The following CA10 variants were observed in gnomAD, a reference collection of about 807,000 sequenced individuals.
CA10 encodes the protein carbonic anhydrase-related protein 10.
CA10 carries 14 observed loss-of-function variants against 44.2 expected under a neutral mutation model. That is an observed-to-expected ratio of 0.32 (90% CI 0.21 to 0.50). The LOEUF (loss-of-function observed/expected upper bound fraction) is 0.50. CA10 is among the 20% of genes least tolerant of loss of function. The pLI, the probability that CA10 is intolerant of heterozygous loss-of-function variation, is 0.99. For synonymous variants in CA10, 159 were observed against 141.6 expected (o/e 1.12, Z -0.87); for missense variants, 350 against 409.7 (o/e 0.85, Z 1.26).
chr17:51,797,334 G>A (rs1402277703), intron 3 of CA10, among the ~76,000 whole-genome samples: 4 of 152,174 alleles, frequency 2.6e-5, no homozygotes, highest in Non-Finnish European at 4.4e-5. Context: ...ATCATAGCAC[G>A]CAGGCGCATG....
intron 2 of CA10, among the ~76,000 whole-genome samples, chr17:51,986,034 A>G (rs1237490230): frequency 6.6e-6 from 1 of 152,014 alleles, no homozygotes; most frequent in Admixed American, 6.6e-5. Flanking sequence ...AGAAGAGCCC[A>G]CATAGCCAAA....
intron 1 of CA10, among the ~76,000 whole-genome samples, chr17:52,144,270 T>C (rs576420211): frequency 2.6e-5 from 4 of 152,310 alleles, no homozygotes; most frequent in African/African-American, 9.6e-5. Context: ...TTATCATAAA[T>C]GGATTAGGCC....
intron 2 of CA10, among the ~76,000 whole-genome samples, chr17:52,012,059 G>A (rs1985815219): frequency 6.6e-6 from 1 of 151,938 alleles, no homozygotes; most frequent in Non-Finnish European, 1.5e-5. Flanking sequence ...AATATGCCAT[G>A]AACTGAGCTG....
At chr17:51,800,887 C>T (rs1906901842) in intron 3 of CA10, among the ~76,000 whole-genome samples, 1 of 152,122 alleles carries the variant, frequency 6.6e-6, no homozygotes, top group South Asian at 2.1e-4. Flanking sequence ...CCTTTGACTC[C>T]CAGCCTTCAT....
intron 4 of CA10, among the ~76,000 whole-genome samples, chr17:51,706,936 C>A (rs1915779957): frequency 6.6e-6 from 1 of 152,100 alleles, no homozygotes; most frequent in African/African-American, 2.4e-5. Flanking sequence ...CACTGCAATC[C>A]CCACCCCACA....
At chr17:51,735,837 A>T (rs1916884882) in intron 4 of CA10, among the ~76,000 whole-genome samples, 1 of 151,930 alleles carries the variant, frequency 6.6e-6, no homozygotes, top group Non-Finnish European at 1.5e-5. Flanking sequence ...AAGTAAAAAA[A>T]AAAAGACTAT....
rs566612707 is a variant in CA10, at chr17:51,999,316, A to T, written c.137-68184T>A. 9.2e-5 allele frequency among the ~76,000 whole-genome samples: 14 copies of T among 152,162 alleles called. No individual in the cohort carries two copies. The South Asian group carries it at 2.9e-3, about 32-fold the overall frequency. ...GGAAAACAGTTCTAGATCATCACAC[A>T]GGTATTGAAAATGAAGGATATGTGT... On this transcript the variant is annotated intron_variant, in intron 2 of 8. Transcript: ENST00000451037.
At chr17:52,042,368 CCTG>C (rs1158038230) in intron 2 of CA10, among the ~76,000 whole-genome samples, 1 of 151,716 alleles carries the variant, frequency 6.6e-6, no homozygotes, top group Non-Finnish European at 1.5e-5. Context: ...TTTTCATGTA[CCTG>C]CTGGTCAATT....
At chr17:52,101,962 T>C (rs549774421) in intron 1 of CA10, among the ~76,000 whole-genome samples, 1 of 152,128 alleles carries the variant, frequency 6.6e-6, no homozygotes. Context: ...TGGTCTTCCA[T>C]ACTGAAGAGT....
chr17:51,644,943 C>T (rs539096018), intron 6 of CA10, among the ~76,000 whole-genome samples: 48 of 151,754 alleles, frequency 3.2e-4, no homozygotes, highest in East Asian at 1.6e-3. Context: ...GAATTACAGG[C>T]GCGCGCCACA....
intron 3 of CA10, among the ~76,000 whole-genome samples, chr17:51,859,883 T>C (rs2143838918): frequency 6.6e-6 from 1 of 152,272 alleles, no homozygotes; most frequent in South Asian, 2.1e-4. Context: ...AAGATTGCCA[T>C]GATACACATA....
chr17:51,961,643 A>G (rs1183669838), intron 2 of CA10, among the ~76,000 whole-genome samples: 2 of 152,204 alleles, frequency 1.3e-5, no homozygotes, highest in South Asian at 4.1e-4. Context: ...CACAGGCATT[A>G]AAATGATATT....
intron 3 of CA10, among the ~76,000 whole-genome samples, chr17:51,790,357 T>G (rs1469267545): frequency 6.6e-6 from 1 of 152,132 alleles, no homozygotes; most frequent in Non-Finnish European, 1.5e-5. Context: ...ACATGCCTGT[T>G]GTAGCAACTG....
chr17:51,844,801 A>T (rs1315681631), intron 3 of CA10, among the ~76,000 whole-genome samples: 1 of 152,194 alleles, frequency 6.6e-6, no homozygotes, highest in African/African-American at 2.4e-5. Context: ...CAAAACAGAA[A>T]TGATGGTGGG....
intron 3 of CA10, among the ~76,000 whole-genome samples, chr17:51,908,995 C>A: frequency 6.6e-6 from 1 of 152,216 alleles, no homozygotes; most frequent in African/African-American, 2.4e-5. Context: ...GATTTTTTGA[C>A]GTCATCTGGT....
intron 2 of CA10, among the ~76,000 whole-genome samples, chr17:51,986,641 C>G: frequency 6.6e-6 from 1 of 151,810 alleles, no homozygotes; most frequent in Non-Finnish European, 1.5e-5. Flanking sequence ...GAATCTACCA[C>G]GAACTTCAAC....
chr17:51,941,656 T>A (rs1334340330), intron 2 of CA10, among the ~76,000 whole-genome samples: 1 of 152,170 alleles, frequency 6.6e-6, no homozygotes, highest in African/African-American at 2.4e-5. Context: ...TGAATCTTCT[T>A]GGCTTTCAGA....
rs185783964 is a variant in CA10 at position 51,748,424 on chromosome 17, T to C, written c.280-606A>G. ...TTCCAATTTCATAGATTCCTAGACT[T>C]ACTCCTTATTCCTGATTCCATCTTG... On this transcript the variant is annotated intron_variant, in intron 3 of 8. Transcript: ENST00000451037. 148 of 953,662 alleles carry C rather than the reference T, an allele frequency of 1.6e-4. 1 individual carries two copies. In the African/African-American group the frequency reaches 2.5e-3, roughly 16 times the overall value. 59.1% of individuals were successfully genotyped at this position (953,662 alleles called of 1,614,324 possible). A position where few individuals can be genotyped will look rare whatever the true frequency, so the allele number is the denominator to read the frequency against.
intron 1 of CA10, among the ~76,000 whole-genome samples, chr17:52,092,397 T>C (rs1158755624): frequency 6.6e-6 from 1 of 152,212 alleles, no homozygotes; most frequent in Non-Finnish European, 1.5e-5. Context: ...AACTGAAGCT[T>C]ACAGAAGAAT....
Sources: gnomAD v4.1 joint callset for allele counts (sites outside exome capture counted in the v4.1 genomes callset) on GRCh38, gnomAD v4.1.1 for gene constraint, MANE v1.5 for transcripts, NCBI Gene and HGNC (gene_info 2026-07-23, HGNC 2026-07-21) for gene names.